Variants in CLRN3 observed in about 807,000 individuals in gnomAD.
CLRN3 encodes clarin-3.
CLRN3 carries 12 observed loss-of-function variants against 16.7 expected under a neutral mutation model. The ratio of observed to expected loss-of-function variants is 0.72; its 90% CI spans 0.46 to 1.16. CLRN3 has a LOEUF of 1.16. Ranked by LOEUF, CLRN3 falls within the 50% of genes most tolerant of loss-of-function variation. CLRN3 has a pLI of 0.00. For missense variants in CLRN3, 296 were observed against 274.2 expected (o/e 1.08, Z -0.56); for synonymous variants, 118 against 113.0 (o/e 1.04, Z -0.28).
intron 2 of CLRN3, 76 bp from the exon 3 acceptor site, chr10:127,878,496 T>C (rs528618668): frequency 1.9e-6 from 3 of 1,563,362 alleles, no homozygotes; most frequent in African/African-American, 1.4e-5. Context: ...GGAACACATA[T>C]ATATGGGAAT....
intron 1 of CLRN3, among the ~76,000 whole-genome samples, chr10:127,890,265 C>T (rs1845244172): frequency 6.6e-6 from 1 of 152,192 alleles, no homozygotes; most frequent in Non-Finnish European, 1.5e-5. Context: ...CAGGACCTGT[C>T]ACTTTTCATC....
chr10:127,887,813 T>C (rs1343490108), intron 1 of CLRN3, among the ~76,000 whole-genome samples: 1 of 152,176 alleles, frequency 6.6e-6, no homozygotes, highest in African/African-American at 2.4e-5. Context: ...AGCAAACACA[T>C]TCCGTTCTTT....
At position 127,878,247 on chromosome 10, in the gene CLRN3, C is replaced by T. The variant is rs375062907; in HGVS notation, c.583G>A (p.Val195Ile). The T allele has an allele frequency of 5.0e-6, 8 of 1,614,098 alleles. No homozygotes were observed. In the African/African-American group the frequency reaches 9.3e-5, roughly 19 times the overall value. Residue 195 changes from valine (V) to isoleucine (I), a missense_variant, in exon 3 of 3, where the codon GTA becomes ATA. By Grantham distance (29) the Val-to-Ile change is conservative. Transcript: ENST00000368671. ...TTCTGGTAGAAAATGATGATGGTTA[C>T]AGTGACTATATTTAGAAGAATGACG... ...LLVILLNIVT[V>I]TIIIFYQKAR... is the part of the protein sequence containing the mutation.
chr10:127,883,553 C>T lies in CLRN3; in HGVS notation c.409+143G>A, dbSNP rs868018874. The T allele has an allele frequency of 4.1e-5, 27 of 655,980 alleles. 1 individual carries two copies. In the Middle Eastern group the frequency reaches 2.5e-3, roughly 61 times the overall value. 40.6% of individuals were successfully genotyped at this position (655,980 alleles called of 1,614,324 possible). A position where few individuals can be genotyped will look rare whatever the true frequency, so the allele number is the denominator to read the frequency against. On this transcript the variant is annotated intron_variant, in intron 2 of 2. Coordinates refer to ENST00000368671, the MANE Select transcript of CLRN3 (RefSeq NM_152311.5). ...CACTTTGGATTGACAAAATAAACCC[C>T]AGCCCTCAGCTCATGGGAGGTCCTC...
rs770771690 is a variant in CLRN3, at chr10:127,892,812, C to CA, written c.-29dup. 11 of 1,336,796 alleles carry CA rather than the reference C, an allele frequency of 8.2e-6. No homozygotes were observed. The highest frequency in any genetic ancestry group is 1.8e-4 in the Middle Eastern group (1 of 5,514). 82.8% of individuals were successfully genotyped at this position (1,336,796 alleles called of 1,614,324 possible). ...TCACAGGAAAATAAGTTCTCTAGGA[C>CA]AAAAAAAGGAATATCTTCTTATAAC... On this transcript the variant is annotated 5_prime_UTR_variant, in exon 1 of 3. Coordinates refer to ENST00000368671, the MANE Select transcript of CLRN3 (RefSeq NM_152311.5).
intron 2 of CLRN3, among the ~76,000 whole-genome samples, chr10:127,882,629 C>T (rs529302573): frequency 4.4e-4 from 67 of 152,310 alleles, no homozygotes; most frequent in Admixed American, 2.0e-3. Context: ...CAGCCACCTG[C>T]GCCTACCTCG....
rs1032519529 is a variant in CLRN3 at position 127,877,906 on chromosome 10, G to A, written c.*243C>T. On this transcript the variant is annotated 3_prime_UTR_variant, in exon 3 of 3. Coordinates refer to ENST00000368671, the MANE Select transcript of CLRN3 (RefSeq NM_152311.5). Reference sequence around the variant, plus strand: ...GAGACCAGGTCAGAAGGGTCGTTACGCTCATCATGATACTACTGCTTTGAA... The same window carrying A: ...GAGACCAGGTCAGAAGGGTCGTTACACTCATCATGATACTACTGCTTTGAA... 6.6e-5 allele frequency: 33 copies of A among 496,564 alleles called. No homozygotes were observed. The highest frequency in any genetic ancestry group is 3.0e-4 in the Admixed American group (9 of 29,642). 30.8% of individuals were successfully genotyped at this position (496,564 alleles called of 1,614,324 possible). A position where few individuals can be genotyped will look rare whatever the true frequency, so the allele number is the denominator to read the frequency against.
At chr10:127,890,618 G>A (rs978393123) in intron 1 of CLRN3, among the ~76,000 whole-genome samples, 18 of 152,064 alleles carry the variant, frequency 1.2e-4, no homozygotes, top group Admixed American at 3.9e-4. Flanking sequence ...GTCCACCACC[G>A]CTGGGCAAGA....
Position 127,878,309 on chromosome 10 carries a change from G to A in CLRN3, c.521C>T (p.Thr174Ile). ...LYPATTSKGT[T>I]HSYGYSFWLI... is the part of the protein sequence containing the mutation. ...CCAGAACGAGTATCCGTAACTGTGG[G>A]TCGTTCCTTTACTGGTGGTTGCCGG... Residue 174 changes from threonine to isoleucine, a missense_variant, in exon 3 of 3, where the codon ACC becomes ATC. Transcript: ENST00000368671. The A allele has an allele frequency of 6.2e-7, 1 of 1,614,216 alleles. No individual in the cohort carries two copies.
At chr10:127,886,206 G>A (rs144607897) in intron 1 of CLRN3, among the ~76,000 whole-genome samples, 237 of 152,338 alleles carry the variant, frequency 1.6e-3, no homozygotes, top group Non-Finnish European at 2.7e-3. Flanking sequence ...GGCTCCCAAT[G>A]AGACCCGACA....
chr10:127,881,128 C>T (rs1845122954), intron 2 of CLRN3, among the ~76,000 whole-genome samples: 1 of 152,214 alleles, frequency 6.6e-6, no homozygotes, highest in Admixed American at 6.5e-5. Flanking sequence ...AGGCAGGCAT[C>T]AGAATGCAAT....
intron 1 of CLRN3, among the ~76,000 whole-genome samples, chr10:127,889,025 C>T (rs1269259852): frequency 1.3e-5 from 2 of 152,182 alleles, no homozygotes; most frequent in South Asian, 2.1e-4. Flanking sequence ...CTGTAGGCAA[C>T]GTGATTGCTC....
intron 2 of CLRN3, among the ~76,000 whole-genome samples, chr10:127,879,746 A>C (rs902137276): frequency 3.3e-5 from 5 of 152,190 alleles, no homozygotes; most frequent in Admixed American, 2.6e-4. Context: ...TGTATACTTT[A>C]ATGGGTGAAT....
At chr10:127,884,902 A>G (rs890932561) in intron 1 of CLRN3, among the ~76,000 whole-genome samples, 13 of 152,334 alleles carry the variant, frequency 8.5e-5, no homozygotes, top group African/African-American at 3.1e-4. Flanking sequence ...AGGATGTTCC[A>G]TGAAAGTCAC....
At chr10:127,887,277 G>T (rs564611016) in intron 1 of CLRN3, among the ~76,000 whole-genome samples, 8 of 152,290 alleles carry the variant, frequency 5.3e-5, no homozygotes, top group African/African-American at 1.9e-4. Context: ...CCTCCTGGAC[G>T]CTAAAGGGGA....
chr10:127,883,573 G>C lies in CLRN3; in HGVS notation c.409+123C>G, dbSNP rs796752783. The C allele has an allele frequency of 1.6e-5, 12 of 731,714 alleles. No individual in the cohort carries two copies. The African/African-American group carries it at 2.1e-4, about 13-fold the overall frequency. 45.3% of individuals were successfully genotyped at this position (731,714 alleles called of 1,614,324 possible). On this transcript the variant is annotated intron_variant, in intron 2 of 2. Transcript: ENST00000368671. ...AACCCCAGCCCTCAGCTCATGGGAG[G>C]TCCTCATAGTTTCCTTGGTGTAAAC...
intron 1 of CLRN3, among the ~76,000 whole-genome samples, chr10:127,890,078 G>A (rs1419971774): frequency 6.6e-6 from 1 of 152,242 alleles, no homozygotes; most frequent in Non-Finnish European, 1.5e-5. Flanking sequence ...AGCTGAGGAA[G>A]GGTCTTAATC....
chr10:127,877,950 C>T lies in CLRN3; in HGVS notation c.*199G>A, dbSNP rs146185971. ...CTTTGAATACCACACAGACCAGCGACATTTCCCATTCATTTCCCCAACCTT... is the reference window on the plus strand; with the variant it reads ...CTTTGAATACCACACAGACCAGCGATATTTCCCATTCATTTCCCCAACCTT... On this transcript the variant is annotated 3_prime_UTR_variant, in exon 3 of 3. Coordinates refer to ENST00000368671, the MANE Select transcript of CLRN3 (RefSeq NM_152311.5). 6 of 608,866 alleles carry T rather than the reference C, an allele frequency of 9.9e-6. No homozygotes were observed. In the African/African-American group the frequency reaches 1.1e-4, roughly 11 times the overall value. The allele number at this position is 608,866 out of a possible 1,614,324, so 37.7% of individuals were successfully genotyped here.
intron 1 of CLRN3, among the ~76,000 whole-genome samples, chr10:127,885,967 C>G (rs548464092): frequency 6.6e-6 from 1 of 152,298 alleles, no homozygotes; most frequent in South Asian, 2.1e-4. Context: ...GTTGGTCAGG[C>G]TGGTCTCGAA....
Sources: allele counts gnomAD v4.1 joint callset (sites outside exome capture counted in the v4.1 genomes callset), GRCh38; gene constraint gnomAD v4.1.1; transcripts MANE v1.5; gene names NCBI Gene and HGNC (gene_info 2026-07-23, HGNC 2026-07-21).